The following PITPNB variants were observed in gnomAD, a reference collection of about 807,000 sequenced individuals.
The protein encoded by PITPNB is phosphatidylinositol transfer protein beta.
PITPNB carries 16 observed loss-of-function variants against 45.9 expected under a neutral mutation model. The observed-to-expected ratio is 0.35, with a 90% confidence interval of 0.24 to 0.53. The LOEUF (loss-of-function observed/expected upper bound fraction) is 0.53. PITPNB is among the 20% of genes least tolerant of loss of function. PITPNB has a pLI of 0.93. For missense variants in PITPNB, 188 were observed against 330.5 expected (o/e 0.57, Z 3.34); for synonymous variants, 112 against 108.9 (o/e 1.03, Z -0.18).
rs1934041284 is a variant in PITPNB, at chr22:27,852,270, T to C, written c.*1432A>G. 1 of 152,058 alleles carries C rather than the reference T, an allele frequency of 6.6e-6. No homozygotes were observed. Among genetic ancestry groups the C allele is most frequent in the Admixed American group, 6.5e-5 (1 of 15,274 alleles). The allele number at this position is 152,058 out of a possible 1,614,324, so 9.4% of individuals were successfully genotyped here. ...GGCGTGTTTTAGGAGGGACAGGAGG[T>C]TACAAAAGACAGTTTGTGACCTGAA... On this transcript the variant is annotated 3_prime_UTR_variant, in exon 12 of 12. Coordinates refer to ENST00000335272, the MANE Select transcript of PITPNB (RefSeq NM_012399.5).
chr22:27,888,959 C>T (rs917158196), intron 7 of PITPNB, among the ~76,000 whole-genome samples: 3 of 152,204 alleles, frequency 2.0e-5, no homozygotes, highest in Non-Finnish European at 4.4e-5. Flanking sequence ...ATTGGGATTT[C>T]CACTTTAGGC....
At chr22:27,879,532 A>C (rs934506658) in intron 7 of PITPNB, among the ~76,000 whole-genome samples, 1 of 152,160 alleles carries the variant, frequency 6.6e-6, no homozygotes, top group African/African-American at 2.4e-5. Context: ...GCACAAATAT[A>C]GAATATATTT....
chr22:27,916,935 G>C (rs983884724), intron 1 of PITPNB, among the ~76,000 whole-genome samples: 5 of 152,200 alleles, frequency 3.3e-5, no homozygotes, highest in African/African-American at 1.2e-4. Flanking sequence ...AAGTTGACTT[G>C]AGAGTAAGAA....
intron 3 of PITPNB, among the ~76,000 whole-genome samples, chr22:27,899,088 T>G (rs1318335962): frequency 6.6e-6 from 1 of 152,234 alleles, no homozygotes; most frequent in Non-Finnish European, 1.5e-5. Flanking sequence ...CTGAAATTCC[T>G]CATGTGTTGA....
chr22:27,918,772 CA>C (rs1973846749), intron 1 of PITPNB, among the ~76,000 whole-genome samples: 1 of 152,226 alleles, frequency 6.6e-6, no homozygotes, highest in Admixed American at 6.5e-5. Flanking sequence ...CGACAAATCA[CA>C]GTCAGAACCA....
chr22:27,856,402 C>T (rs1934173717), intron 10 of PITPNB, among the ~76,000 whole-genome samples: 1 of 152,246 alleles, frequency 6.6e-6, no homozygotes, highest in Non-Finnish European at 1.5e-5. Flanking sequence ...GAGCAAGAGT[C>T]ACCAGCTCCA....
chr22:27,863,726 T>C (rs931259053), intron 8 of PITPNB, among the ~76,000 whole-genome samples: 5 of 152,210 alleles, frequency 3.3e-5, no homozygotes, highest in African/African-American at 9.6e-5. Context: ...ATGGTTCTAA[T>C]TAAAGGAGTA....
intron 6 of PITPNB, among the ~76,000 whole-genome samples, chr22:27,895,898 T>C (rs1935418255): frequency 6.6e-6 from 1 of 152,166 alleles, no homozygotes; most frequent in African/African-American, 2.4e-5. Context: ...TGCTGGCCCA[T>C]CCAAAGACCA....
At chr22:27,872,466 A>T (rs1934696701) in intron 8 of PITPNB, among the ~76,000 whole-genome samples, 1 of 152,214 alleles carries the variant, frequency 6.6e-6, no homozygotes, top group African/African-American at 2.4e-5. Context: ...CATGCTAAGT[A>T]TTAAAACTGG....
chr22:27,902,105 C>G (rs1935611506), intron 3 of PITPNB, among the ~76,000 whole-genome samples: 1 of 151,908 alleles, frequency 6.6e-6, no homozygotes. Flanking sequence ...ACTTAACAAG[C>G]AGTGCAGTGA....
At chr22:27,874,634 A>AAC (rs1394446669) in intron 7 of PITPNB, among the ~76,000 whole-genome samples, 5 of 152,164 alleles carry the variant, frequency 3.3e-5, no homozygotes, top group Non-Finnish European at 7.3e-5. Flanking sequence ...TCATTACACA[A>AAC]ACACACACTC....
At chr22:27,884,779 A>C (rs1935068771) in intron 7 of PITPNB, among the ~76,000 whole-genome samples, 1 of 152,152 alleles carries the variant, frequency 6.6e-6, no homozygotes, top group Admixed American at 6.5e-5. Flanking sequence ...TCTCAATTTA[A>C]TGCTTTTATA....
intron 7 of PITPNB, among the ~76,000 whole-genome samples, chr22:27,877,615 G>C (rs1009056946): frequency 6.6e-6 from 1 of 152,136 alleles, no homozygotes; most frequent in Non-Finnish European, 1.5e-5. Flanking sequence ...GATTCATTTC[G>C]AATACAAAGA....
intron 3 of PITPNB, among the ~76,000 whole-genome samples, chr22:27,899,972 G>A (rs1246492643): frequency 1.3e-5 from 2 of 152,104 alleles, no homozygotes; most frequent in Non-Finnish European, 2.9e-5. Context: ...GGAGGCAGAG[G>A]TGGGTGGATC....
chr22:27,911,654 G>A (rs573892586), intron 2 of PITPNB, among the ~76,000 whole-genome samples: 53 of 152,176 alleles, frequency 3.5e-4, no homozygotes, highest in African/African-American at 1.3e-3. Flanking sequence ...GTAGACTTCT[G>A]GGGTCATTTT....
intron 8 of PITPNB, 38 bp downstream of exon 8, chr22:27,873,699 GC>G: frequency 7.9e-7 from 1 of 1,261,972 alleles, no homozygotes; most frequent in Non-Finnish European, 1.2e-6. Flanking sequence ...GTGTTCTGTT[GC>G]CAAGACTCTG....
At chr22:27,875,092 T>C (rs1013964039) in intron 7 of PITPNB, among the ~76,000 whole-genome samples, 2 of 152,232 alleles carry the variant, frequency 1.3e-5, no homozygotes, top group Non-Finnish European at 2.9e-5. Flanking sequence ...AAGAGAAAGT[T>C]ACAAATTATG....
intron 1 of PITPNB, among the ~76,000 whole-genome samples, chr22:27,916,140 T>G (rs1487081066): frequency 5.3e-5 from 8 of 152,260 alleles, no homozygotes; most frequent in Admixed American, 4.6e-4. Context: ...TTACACTCAC[T>G]AACAGGAAGA....
intron 7 of PITPNB, among the ~76,000 whole-genome samples, chr22:27,888,100 C>T (rs1935176609): frequency 6.6e-6 from 1 of 152,180 alleles, no homozygotes; most frequent in African/African-American, 2.4e-5. Flanking sequence ...ATTTTTCTCC[C>T]TTTTAATATA....
Sources: allele counts gnomAD v4.1 joint callset (sites outside exome capture counted in the v4.1 genomes callset), GRCh38; gene constraint gnomAD v4.1.1; transcripts MANE v1.5; gene names NCBI Gene and HGNC (gene_info 2026-07-23, HGNC 2026-07-21).